CCDC66: variants seen among roughly 807,000 people sequenced by gnomAD.
The protein encoded by CCDC66 is coiled-coil domain containing 66, also known as coiled-coil domain-containing protein 66.
CCDC66 carries 133 observed loss-of-function variants against 128.3 expected under a neutral mutation model. That is an observed-to-expected ratio of 1.04 (90% CI 0.90 to 1.20). The LOEUF is 1.20. Among genes scored for constraint, CCDC66 ranks in the 50% most tolerant of loss-of-function variants. The pLI is 0.00. For synonymous variants in CCDC66, 387 were observed against 357.0 expected, an observed-to-expected ratio of 1.08 and a Z score of -0.95; for missense variants, 1,126 against 1,075.5, an observed-to-expected ratio of 1.05 and a Z score of -0.66.
intron 7 of CCDC66, chr3:56,572,369 A>G (rs947132090): frequency 1.6e-6 from 2 of 1,289,680 alleles, no homozygotes; most frequent in East Asian, 5.6e-5. Flanking sequence ...TCTCGTAGCC[A>G]GGTTATGGTG....
chr3:56,592,210 A>G (rs867332681), intron 7 of CCDC66, among the ~76,000 whole-genome samples: 2 of 152,324 alleles, frequency 1.3e-5, no homozygotes, highest in Middle Eastern at 3.4e-3. Flanking sequence ...TCAATAGGGA[A>G]AGTCTCTTGC....
chr3:56,588,401 A>G (rs1408225628), intron 7 of CCDC66, among the ~76,000 whole-genome samples: 1 of 152,220 alleles, frequency 6.6e-6, no homozygotes, highest in African/African-American at 2.4e-5. Flanking sequence ...GATCACCACT[A>G]AAGAACTTAC....
chr3:56,562,966 A>G (rs987929682), intron 3 of CCDC66, among the ~76,000 whole-genome samples: 2 of 152,058 alleles, frequency 1.3e-5, no homozygotes, highest in Non-Finnish European at 2.9e-5. Flanking sequence ...ATATTTAAAA[A>G]TGTTACTTTT....
At chr3:56,566,547 C>T (rs1369046337) in intron 4 of CCDC66, 47 bp from the exon 5 acceptor site, 2 of 1,231,368 alleles carry the variant, frequency 1.6e-6, no homozygotes, top group Admixed American at 3.6e-5. Context: ...AGTATTATAA[C>T]AGATGTAATT....
At chr3:56,620,051 T>C (rs1361134921) in intron 17 of CCDC66, 150 bp downstream of exon 17, 3 of 768,290 alleles carry the variant, frequency 3.9e-6, no homozygotes, top group Non-Finnish European at 4.0e-6. Context: ...TAGACACAAA[T>C]AAAATGGGAC....
At chr3:56,571,455 C>A (rs2066604081) in intron 7 of CCDC66, 153 bp downstream of exon 7, 1 of 483,850 alleles carries the variant, frequency 2.1e-6, no homozygotes, top group Non-Finnish European at 3.6e-6. Context: ...AGTCTCAGCT[C>A]ACTGCAACCT....
At position 56,617,544 on chromosome 3, in the gene CCDC66, A is replaced by C. The variant is rs373019272; in HGVS notation, c.2276A>C (p.Glu759Ala). Residue 759 changes from glutamate (E) to alanine (A), a missense_variant, in exon 14 of 18, where the codon GAA (glutamate) becomes GCA (alanine). Coordinates refer to ENST00000394672, the MANE Select transcript of CCDC66 (RefSeq NM_001141947.3). ...HLSQNRGISPEIFHSSHQETE... is the reference protein window; with the variant it reads ...HLSQNRGISPAIFHSSHQETE... Reference sequence around the variant, plus strand: ...TCTCAAAACAGAGGCATTTCACCAGAAATTTTTCATTCATCTCATCAAGAA... The same window carrying C: ...TCTCAAAACAGAGGCATTTCACCAGCAATTTTTCATTCATCTCATCAAGAA... 6.2e-7 allele frequency: 1 copy of C among 1,610,014 alleles called. No individual in the cohort carries two copies. The highest frequency in any genetic ancestry group is 8.5e-7 in the Non-Finnish European group (1 of 1,179,114).
chr3:56,603,142 T>C (rs867000107), intron 10 of CCDC66, among the ~76,000 whole-genome samples: 1 of 152,052 alleles, frequency 6.6e-6, no homozygotes, highest in Non-Finnish European at 1.5e-5. Flanking sequence ...GCCCCCTTTA[T>C]CATTTTTTAT....
At chr3:56,597,972 C>T (rs1050161589) in intron 10 of CCDC66, among the ~76,000 whole-genome samples, 6 of 151,236 alleles carry the variant, frequency 4.0e-5, no homozygotes, top group African/African-American at 1.5e-4. Flanking sequence ...GATGGGGTTT[C>T]GCAGTGTTGG....
intron 14 of CCDC66, chr3:56,617,904 T>A: frequency 1.8e-6 from 1 of 570,606 alleles, no homozygotes; most frequent in Non-Finnish European, 3.1e-6. Flanking sequence ...CCTTTACACT[T>A]ACACAACTTC....
Position 56,559,566 on chromosome 3 carries a change from T to C in CCDC66, c.77-3T>C, listed in dbSNP as rs1412745263. 2.6e-6 allele frequency: 4 copies of C among 1,533,078 alleles called. No homozygotes were observed. The allele number at this position is 1,533,078 out of a possible 1,614,324, so 95.0% of individuals were successfully genotyped here. A position where few individuals can be genotyped will look rare whatever the true frequency, so the allele number is the denominator to read the frequency against. On this transcript the variant is annotated splice_polypyrimidine_tract_variant and splice_region_variant and intron_variant, in intron 2 of 17. Coordinates refer to ENST00000394672, the MANE Select transcript of CCDC66 (RefSeq NM_001141947.3). ...GTTTAGTAATTTCTTTTTTCTTTTG[T>C]AGAACATAAATCAAAAATTTCTGTG... is the stretch of plus-strand genomic sequence containing the variant.
chr3:56,608,920 G>C (rs1313261495), intron 10 of CCDC66, among the ~76,000 whole-genome samples: 1 of 152,126 alleles, frequency 6.6e-6, no homozygotes, highest in East Asian at 1.9e-4. Flanking sequence ...GGTTTTGAAG[G>C]TTCCTTTTGG....
chr3:56,583,992 G>A (rs2068952348), intron 7 of CCDC66, among the ~76,000 whole-genome samples: 1 of 135,544 alleles, frequency 7.4e-6, no homozygotes, highest in East Asian at 2.5e-4. Context: ...CTCCCTCCCG[G>A]ACGGGGCGGC....
chr3:56,563,774 G>A lies in CCDC66; in HGVS notation c.193G>A (p.Glu65Lys), dbSNP rs759710103. The A allele has an allele frequency of 6.4e-7, 1 of 1,551,794 alleles. No homozygotes were observed. Residue 65 changes from glutamate (E) to lysine (K), a missense_variant, in exon 4 of 18, where the codon GAA (glutamate) becomes AAA (lysine). Transcript: ENST00000394672. ...KSTQDTCIGSEKLLQKKPVGS... is the reference protein window; with the variant it reads ...KSTQDTCIGSKKLLQKKPVGS... ...AACACAAGATACTTGTATTGGGAGT[G>A]AAAAACTTTTGCAAAAGAAGCCAGT...
chr3:56,571,824 T>A (rs1296780582), intron 7 of CCDC66, among the ~76,000 whole-genome samples: 1 of 152,106 alleles, frequency 6.6e-6, no homozygotes, highest in Non-Finnish European at 1.5e-5. Context: ...ACTGAAGGGA[T>A]CCTCCTGCCT....
intron 10 of CCDC66, among the ~76,000 whole-genome samples, chr3:56,602,481 T>A (rs901221639): frequency 6.6e-6 from 1 of 151,980 alleles, no homozygotes; most frequent in African/African-American, 2.4e-5. Context: ...CAGGATGATG[T>A]TGGTCTCATA....
chr3:56,576,051 A>G lies in CCDC66; in HGVS notation c.936+4749A>G, dbSNP rs1200179473. On this transcript the variant is annotated intron_variant, in intron 7 of 17. Transcript: ENST00000394672. ...TATGAATTTTAGGATGGATTTTTCT[A>G]TTTCTGCAAAAAAAAAAGATTATTG... Among the ~76,000 whole-genome samples, 4 of 151,046 alleles carry G rather than the reference A, an allele frequency of 2.6e-5. 1 individual carries two copies. The highest frequency in any genetic ancestry group is 4.8e-5 in the African/African-American group (2 of 41,272).
chr3:56,564,227 A>T lies in CCDC66; in HGVS notation c.544+102A>T, dbSNP rs2065486709. ...ATGTAACTGTGACTCTTAAACTCTA[A>T]TTTAACCTGTCAATCTATTAAAATA... On this transcript the variant is annotated intron_variant, in intron 4 of 17. Transcript: ENST00000394672. 3.5e-5 allele frequency: 28 copies of T among 795,552 alleles called. 1 individual carries two copies. In the South Asian group the frequency reaches 5.1e-4, roughly 14 times the overall value. The allele number at this position is 795,552 out of a possible 1,614,324, so 49.3% of individuals were successfully genotyped here.
chr3:56,561,135 C>A (rs79017751), intron 3 of CCDC66: 9,884 of 446,970 alleles, frequency 0.022, 160 homozygotes, highest in Non-Finnish European at 0.033. Flanking sequence ...TATTCCTACC[C>A]CTTTCCCTAT....
Sources: gnomAD v4.1 joint callset for allele counts (sites outside exome capture counted in the v4.1 genomes callset) on GRCh38, gnomAD v4.1.1 for gene constraint, MANE v1.5 for transcripts, NCBI Gene and HGNC (gene_info 2026-07-23, HGNC 2026-07-21) for gene names.